The following TSNAX variants were observed in gnomAD, a reference collection of about 807,000 sequenced individuals.
TSNAX encodes translin associated factor X, also known as translin-associated protein X.
In TSNAX, 12 loss-of-function variants were observed where a neutral mutation model predicts 33.0. That is an observed-to-expected ratio of 0.36 (90% confidence interval 0.23 to 0.59). TSNAX has a LOEUF of 0.59. TSNAX is among the 20% of genes least tolerant of loss of function. TSNAX has a pLI of 0.74. For missense variants in TSNAX, 267 were observed against 341.3 expected, an observed-to-expected ratio of 0.78 and a Z score of 1.72; for synonymous variants, 110 against 117.2, an observed-to-expected ratio of 0.94 and a Z score of 0.40.
intron 3 of TSNAX, among the ~76,000 whole-genome samples, chr1:231,539,284 T>C (rs1391774615): frequency 6.6e-6 from 1 of 152,104 alleles, no homozygotes; most frequent in African/African-American, 2.4e-5. Context: ...AGCAATAATA[T>C]AAAGAAAAAC....
At chr1:231,531,774 A>G (rs977661655) in intron 2 of TSNAX, among the ~76,000 whole-genome samples, 2 of 152,164 alleles carry the variant, frequency 1.3e-5, no homozygotes, top group African/African-American at 4.8e-5. Flanking sequence ...TGTGGAGTGA[A>G]AAGACTTGGG....
chr1:231,540,042 G>A (rs1168056444), intron 3 of TSNAX, among the ~76,000 whole-genome samples: 1 of 151,632 alleles, frequency 6.6e-6, no homozygotes, highest in Admixed American at 6.6e-5. Context: ...AAAATTAGCC[G>A]GGCTTGGTGG....
rs572246317 is a variant in TSNAX, at chr1:231,556,536, A to T, written c.368-4592A>T. 2.0e-5 allele frequency among the ~76,000 whole-genome samples: 3 copies of T among 152,344 alleles called. No homozygotes were observed. The South Asian group carries it at 6.2e-4, about 32-fold the overall frequency. ...AATAATACTAAATTTAACAAATAGG[A>T]TCGACAGTGTTACATTGGGCGAGAT... On this transcript the variant is annotated intron_variant, in intron 4 of 5. Transcript: ENST00000366639.
chr1:231,531,559 A>G (rs1658719385), intron 2 of TSNAX, among the ~76,000 whole-genome samples: 2 of 152,224 alleles, frequency 1.3e-5, no homozygotes, highest in Admixed American at 6.5e-5. Flanking sequence ...TCTGACTTAC[A>G]GTGGTCATTA....
chr1:231,534,901 T>C (rs569274979), intron 2 of TSNAX: 1 of 152,290 alleles, frequency 6.6e-6, no homozygotes, highest in Admixed American at 6.5e-5. Flanking sequence ...GAAGGATAAA[T>C]GTAAATCAGT....
chr1:231,547,681 G>A (rs1371170387), intron 4 of TSNAX, among the ~76,000 whole-genome samples: 2 of 151,714 alleles, frequency 1.3e-5, no homozygotes, highest in Non-Finnish European at 2.9e-5. Context: ...CTGAGCCACC[G>A]TGCCCAGCCA....
At chr1:231,531,936 G>A (rs1319524965) in intron 2 of TSNAX, among the ~76,000 whole-genome samples, 1 of 151,994 alleles carries the variant, frequency 6.6e-6, no homozygotes, top group Non-Finnish European at 1.5e-5. Flanking sequence ...GCATGCGCCT[G>A]TAGTATGCTT....
At position 231,564,931 on chromosome 1, in the gene TSNAX, T is replaced by G; in HGVS notation, c.*26T>G. 1.2e-6 allele frequency: 2 copies of G among 1,600,198 alleles called. No individual in the cohort carries two copies. Among genetic ancestry groups the G allele is most frequent in the Non-Finnish European group, 1.7e-6 (2 of 1,172,316 alleles). On this transcript the variant is annotated 3_prime_UTR_variant, in exon 6 of 6. Transcript: ENST00000366639. Reference sequence around the variant, plus strand: ...AATCTAACGTTACTCAGTTACTAATTCTTTTGAGAACTCCTAAGAGACCAA... The same window carrying G: ...AATCTAACGTTACTCAGTTACTAATGCTTTTGAGAACTCCTAAGAGACCAA...
At position 231,529,295 on chromosome 1, in the gene TSNAX, A is replaced by C. The variant is rs1408392276; in HGVS notation, c.57A>C (p.Pro19=). The change falls in exon 2 of 6, where the codon CCA becomes CCC. Residue 19 remains proline (P), a synonymous_variant. Transcript: ENST00000366639. ...GGAAAAGGAAGCATGACAATTTCCCACATAACCAAAGAAGAGAAGGGAAGG... is the reference window on the plus strand; with the variant it reads ...GGAAAAGGAAGCATGACAATTTCCCCCATAACCAAAGAAGAGAAGGGAAGG... The part of the protein sequence containing the change: ...GFRKRKHDNF[P]HNQRREGKDV... 6.2e-7 allele frequency: 1 copy of C among 1,614,204 alleles called. No homozygotes were observed.
chr1:231,560,144 TAA>T (rs916111867), intron 4 of TSNAX, among the ~76,000 whole-genome samples: 1 of 151,520 alleles, frequency 6.6e-6, no homozygotes, highest in African/African-American at 2.4e-5. Flanking sequence ...CACGCCCGGC[TAA>T]GTTTTTTTAT....
chr1:231,540,537 A>G lies in TSNAX; in HGVS notation c.237-1944A>G, dbSNP rs181779400. On this transcript the variant is annotated intron_variant, in intron 3 of 5. Transcript: ENST00000366639. Reference sequence around the variant, plus strand: ...ACTTTCTATAATTTGAATCCTTTTAAATTTATGGAGCCTTAATTTTGGCCC... The same window carrying G: ...ACTTTCTATAATTTGAATCCTTTTAGATTTATGGAGCCTTAATTTTGGCCC... 2.5e-3 allele frequency among the ~76,000 whole-genome samples: 386 copies of G among 152,282 alleles called. 2 individuals are homozygous for G. Among genetic ancestry groups the G allele is most frequent in the African/African-American group, 8.7e-3 (360 of 41,552 alleles).
chr1:231,556,004 A>T (rs201045518), intron 4 of TSNAX, among the ~76,000 whole-genome samples: 2 of 152,218 alleles, frequency 1.3e-5, no homozygotes, highest in Non-Finnish European at 2.9e-5. Flanking sequence ...AAAGCAATAG[A>T]CAATCAAAAA....
intron 2 of TSNAX, chr1:231,534,452 A>G (rs913686232): frequency 3.3e-5 from 5 of 152,246 alleles, no homozygotes; most frequent in Non-Finnish European, 7.3e-5. Context: ...CTTAGAGGTA[A>G]TAAAGTAATA....
chr1:231,537,762 A>G (rs1659277905), intron 3 of TSNAX, among the ~76,000 whole-genome samples: 1 of 151,384 alleles, frequency 6.6e-6, no homozygotes, highest in Admixed American at 6.6e-5. Flanking sequence ...AAAAAAAGGA[A>G]AAGTCTGTAG....
intron 3 of TSNAX, among the ~76,000 whole-genome samples, chr1:231,540,167 C>CT (rs1265401655): frequency 3.7e-5 from 4 of 107,632 alleles, no homozygotes; most frequent in Non-Finnish European, 6.9e-5. Flanking sequence ...GAATAGGACT[C>CT]TGTCTCAAAA....
chr1:231,548,060 T>C (rs1431643837), intron 4 of TSNAX, among the ~76,000 whole-genome samples: 1 of 151,918 alleles, frequency 6.6e-6, no homozygotes, highest in East Asian at 1.9e-4. Context: ...CAGGATGGTC[T>C]TGATCTCCGT....
At chr1:231,540,724 A>C (rs1659523626) in intron 3 of TSNAX, among the ~76,000 whole-genome samples, 1 of 152,226 alleles carries the variant, frequency 6.6e-6, no homozygotes, top group Admixed American at 6.5e-5. Flanking sequence ...AGAGAGAAAG[A>C]GGGTGACCTC....
chr1:231,535,407 A>C (rs889226946), intron 2 of TSNAX: 1 of 152,176 alleles, frequency 6.6e-6, no homozygotes, highest in African/African-American at 2.4e-5. Flanking sequence ...TTATTTTGTT[A>C]ACTGTTAAGA....
intron 4 of TSNAX, 117 bp from the exon 5 acceptor site, chr1:231,561,011 T>G (rs201743859): frequency 3.1e-6 from 3 of 966,384 alleles, no homozygotes; most frequent in Non-Finnish European, 4.7e-6. Flanking sequence ...GGCATTGTAG[T>G]AGGCATCCAT....
Sources: allele counts gnomAD v4.1 joint callset (sites outside exome capture counted in the v4.1 genomes callset), GRCh38; gene constraint gnomAD v4.1.1; transcripts MANE v1.5; gene names NCBI Gene and HGNC (gene_info 2026-07-23, HGNC 2026-07-21).